Variants in CEP128 observed in about 807,000 individuals in gnomAD.
CEP128 encodes centrosomal protein 128kDa.
CEP128 carries 132 observed loss-of-function variants against 156.7 expected under a neutral mutation model. The ratio of observed to expected loss-of-function variants is 0.84; its 90% confidence interval spans 0.73 to 0.97. The LOEUF (loss-of-function observed/expected upper bound fraction) is 0.97. Among genes scored for constraint, CEP128 ranks in the 50% least tolerant of loss-of-function variants. CEP128 has a pLI of 0.00. For missense variants in CEP128, 1,252 were observed against 1,281.9 expected (o/e 0.98, Z 0.36); for synonymous variants, 469 against 448.9 (o/e 1.04, Z -0.57).
At chr14:80,735,702 A>G (rs1359317037) in intron 19 of CEP128, among the ~76,000 whole-genome samples, 1 of 152,198 alleles carries the variant, frequency 6.6e-6, no homozygotes, top group Non-Finnish European at 1.5e-5. Flanking sequence ...GAAGTTCAAT[A>G]CGTCTTACTG....
chr14:80,947,739 G>A (rs1298461811), intron 2 of CEP128, among the ~76,000 whole-genome samples: 2 of 152,338 alleles, frequency 1.3e-5, no homozygotes, highest in South Asian at 2.1e-4. Context: ...AGAGAAGAAG[G>A]GGGTCCTGGA....
chr14:80,852,003 A>G (rs530202451), intron 9 of CEP128, among the ~76,000 whole-genome samples: 3 of 152,058 alleles, frequency 2.0e-5, no homozygotes, highest in Non-Finnish European at 4.4e-5. Context: ...TATAATAATG[A>G]GAAGCTTTAG....
chr14:80,668,078 T>C (rs1595181174), intron 19 of CEP128, among the ~76,000 whole-genome samples: 1 of 152,142 alleles, frequency 6.6e-6, no homozygotes, highest in Non-Finnish European at 1.5e-5. Context: ...ATTCTAAGCA[T>C]TTTACGTGAA....
chr14:80,720,913 A>G (rs773964649), intron 19 of CEP128, among the ~76,000 whole-genome samples: 4 of 152,198 alleles, frequency 2.6e-5, no homozygotes, highest in Admixed American at 6.5e-5. Flanking sequence ...CTCTACCACA[A>G]TCTATACAAC....
At chr14:80,711,490 T>C (rs1897405901) in intron 19 of CEP128, among the ~76,000 whole-genome samples, 1 of 152,158 alleles carries the variant, frequency 6.6e-6, no homozygotes, top group Admixed American at 6.6e-5. Context: ...AACATCTTAT[T>C]ACTTGCAGTA....
chr14:80,730,570 T>C (rs1276810298), intron 19 of CEP128, among the ~76,000 whole-genome samples: 4 of 152,212 alleles, frequency 2.6e-5, no homozygotes, highest in Non-Finnish European at 5.9e-5. Flanking sequence ...CCAGTGAACT[T>C]TGAAAGCTTT....
chr14:80,691,419 T>A (rs1038389689), intron 19 of CEP128, among the ~76,000 whole-genome samples: 4 of 152,136 alleles, frequency 2.6e-5, no homozygotes, highest in Admixed American at 1.3e-4. Flanking sequence ...GGTTAGACTT[T>A]CAGGGGAGGA....
chr14:80,592,734 G>A (rs1014850401), intron 19 of CEP128, among the ~76,000 whole-genome samples: 1 of 152,132 alleles, frequency 6.6e-6, no homozygotes, highest in African/African-American at 2.4e-5. Context: ...GAAGAACATT[G>A]CAAAAATCCT....
intron 9 of CEP128, among the ~76,000 whole-genome samples, chr14:80,853,341 A>G (rs1886988914): frequency 6.6e-6 from 1 of 152,000 alleles, no homozygotes; most frequent in South Asian, 2.1e-4. Context: ...AAGAGACTAA[A>G]TTGCCTTTAA....
chr14:80,562,665 T>C lies in CEP128; in HGVS notation c.2857-3363A>G, dbSNP rs544108678. The stretch of plus-strand genomic sequence containing the variant: ...TGTAGCTTTTCTTTTCTTTTTTTTT[T>C]TTTTTTTTTTTTGGAGACAGGGTCT... On this transcript the variant is annotated intron_variant, in intron 20 of 24. Transcript: ENST00000555265. 6.5e-3 allele frequency among the ~76,000 whole-genome samples: 956 copies of C among 146,822 alleles called. 10 individuals carry two copies. The highest frequency in any genetic ancestry group is 0.013 in the African/African-American group (535 of 40,186).
chr14:80,679,784 C>T (rs1566852335), intron 19 of CEP128, among the ~76,000 whole-genome samples: 1 of 152,118 alleles, frequency 6.6e-6, no homozygotes, highest in Non-Finnish European at 1.5e-5. Flanking sequence ...TGTTTACACC[C>T]CCTCCCCTTT....
At chr14:80,585,155 T>C (rs908837131) in intron 19 of CEP128, among the ~76,000 whole-genome samples, 5 of 152,248 alleles carry the variant, frequency 3.3e-5, no homozygotes, top group African/African-American at 9.6e-5. Flanking sequence ...AAAAGCCATA[T>C]AAAAAAGCAG....
At chr14:80,694,146 CAT>C (rs762840660) in intron 19 of CEP128, among the ~76,000 whole-genome samples, 1 of 152,012 alleles carries the variant, frequency 6.6e-6, no homozygotes, top group Non-Finnish European at 1.5e-5. Flanking sequence ...GGCCAACAAA[CAT>C]ATGAAAAAAA....
At chr14:80,647,429 A>G (rs1294709711) in intron 19 of CEP128, among the ~76,000 whole-genome samples, 2 of 151,970 alleles carry the variant, frequency 1.3e-5, no homozygotes, top group African/African-American at 2.4e-5. Flanking sequence ...ACGTACATAC[A>G]TGGTTTTGAA....
intron 2 of CEP128, among the ~76,000 whole-genome samples, chr14:80,931,478 C>T (rs548021750): frequency 3.9e-4 from 59 of 152,300 alleles, no homozygotes; most frequent in Non-Finnish European, 7.6e-4. Context: ...AGATGCAGAG[C>T]ACACACATCA....
Position 80,777,868 on chromosome 14 carries a change from A to C in CEP128, c.2376+14T>G. The C allele has an allele frequency of 6.6e-7, 1 of 1,514,762 alleles. No individual in the cohort carries two copies. The highest frequency in any genetic ancestry group is 9.1e-7 in the Non-Finnish European group (1 of 1,102,710). The allele number at this position is 1,514,762 out of a possible 1,614,324, so 93.8% of individuals were successfully genotyped here. On this transcript the variant is annotated intron_variant, in intron 16 of 24. Transcript: ENST00000555265. ...AAATTAGAATTTGAAATTAGAATTC[A>C]CTCATATTTTTACCCTTTCTTCTAG...
intron 2 of CEP128, among the ~76,000 whole-genome samples, chr14:80,938,060 C>CTAA (rs971908962): frequency 1.1e-4 from 16 of 151,292 alleles, no homozygotes; most frequent in African/African-American, 3.9e-4. Context: ...CCATGCCTGG[C>CTAA]TAATTTTTTG....
At chr14:80,588,726 T>G (rs1454221823) in intron 19 of CEP128, among the ~76,000 whole-genome samples, 1 of 152,128 alleles carries the variant, frequency 6.6e-6, no homozygotes, top group Non-Finnish European at 1.5e-5. Context: ...TCAAAGTGTT[T>G]GCATCTTACA....
At chr14:80,534,283 T>G (rs1449348954) in intron 21 of CEP128, among the ~76,000 whole-genome samples, 1 of 152,194 alleles carries the variant, frequency 6.6e-6, no homozygotes, top group Non-Finnish European at 1.5e-5. Flanking sequence ...CTTGTCACAT[T>G]ACTTAAGATT....
Sources: allele counts gnomAD v4.1 joint callset (sites outside exome capture counted in the v4.1 genomes callset), GRCh38; gene constraint gnomAD v4.1.1; transcripts MANE v1.5; gene names NCBI Gene and HGNC (gene_info 2026-07-23, HGNC 2026-07-21).